Variants in ZNF391 observed in about 807,000 individuals in gnomAD.
ZNF391 encodes the protein zinc finger protein 391.
For synonymous variants in ZNF391, 126 were observed against 142.1 expected, an observed-to-expected ratio of 0.89 and a Z score of 0.80; for missense variants, 375 against 425.5, an observed-to-expected ratio of 0.88 and a Z score of 1.04.
rs1761973248 is a variant in ZNF391 at position 27,401,645 on chromosome 6, C to T, written c.*198C>T. On this transcript the variant is annotated 3_prime_UTR_variant, in exon 3 of 3. Transcript: ENST00000244576. ...CCCTCCCTTCTTCCCTCCTTCCCTC[C>T]TTCCTACTTTTTCTCCCTCTCCCTG... The T allele has an allele frequency of 2.3e-6, 1 of 442,144 alleles. No homozygotes were observed. The highest frequency in any genetic ancestry group is 5.7e-5 in the South Asian group (1 of 17,512). The allele number at this position is 442,144 out of a possible 1,614,324, so 27.4% of individuals were successfully genotyped here. A position where few individuals can be genotyped will look rare whatever the true frequency, so the allele number is the denominator to read the frequency against.
chr6:27,393,242 T>C (rs1761755088), intron 1 of ZNF391, among the ~76,000 whole-genome samples: 1 of 152,362 alleles, frequency 6.6e-6, no homozygotes, highest in African/African-American at 2.4e-5. Flanking sequence ...ACCCTGACAA[T>C]GAGGTGATTG....
chr6:27,390,744 T>C (rs1761689312), intron 1 of ZNF391, among the ~76,000 whole-genome samples: 1 of 152,218 alleles, frequency 6.6e-6, no homozygotes, highest in Non-Finnish European at 1.5e-5. Flanking sequence ...TTCAAATTCA[T>C]TGATGTGAGA....
At position 27,401,240 on chromosome 6, in the gene ZNF391, G is replaced by C; in HGVS notation, c.870G>C (p.Ser290=). 1 of 1,613,918 alleles carries C rather than the reference G, an allele frequency of 6.2e-7. No homozygotes were observed. Among genetic ancestry groups the C allele is most frequent in the East Asian group, 2.2e-5 (1 of 44,872 alleles). ...GTGGGAAAGTGTTCAGTCGAAGCTC[G>C]TCTCTTACAGAACATCAGAGAATCC... The part of the protein sequence containing the change: ...SECGKVFSRS[S]SLTEHQRIHS... The change falls in exon 3 of 3, where the codon TCG becomes TCC. Residue 290 remains serine (S), a synonymous_variant. Coordinates refer to ENST00000244576, the MANE Select transcript of ZNF391 (RefSeq NM_001076781.3).
intron 1 of ZNF391, among the ~76,000 whole-genome samples, chr6:27,395,503 C>T (rs911377296): frequency 7.2e-5 from 11 of 152,190 alleles, no homozygotes; most frequent in East Asian, 3.9e-4. Context: ...CCTGCAGAAC[C>T]GTGAGCGAAT....
chr6:27,390,504 T>G lies in ZNF391; in HGVS notation c.-188+1429T>G, dbSNP rs1399799526. 2.0e-5 allele frequency among the ~76,000 whole-genome samples: 3 copies of G among 152,182 alleles called. No homozygotes were observed. In the East Asian group the frequency reaches 5.8e-4, roughly 29 times the overall value. On this transcript the variant is annotated intron_variant, in intron 1 of 2. Transcript: ENST00000244576. The stretch of plus-strand genomic sequence containing the variant: ...CATTATGGTGGAGGAATCCCTTGGA[T>G]GGACTCTGGATAAAGGTATAGCCCT...
chr6:27,400,381 T>G lies in ZNF391; in HGVS notation c.11T>G (p.Leu4Arg), dbSNP rs1403266494. Reference protein sequence around the residue: MESLRGNTAQGPTN... With the variant: MESRRGNTAQGPTN... ...TTTTCTGGGTCAGCAATGGAAAGCCTCAGAGGGAATACTGCTCAGGGTCCT... is the reference window on the plus strand; with the variant it reads ...TTTTCTGGGTCAGCAATGGAAAGCCGCAGAGGGAATACTGCTCAGGGTCCT... Residue 4 changes from leucine (L) to arginine (R), a missense_variant, in exon 3 of 3, where the codon CTC (leucine) becomes CGC (arginine). Leu to Arg is a moderately radical substitution (Grantham distance 102). Transcript: ENST00000244576. The G allele has an allele frequency of 1.2e-6, 2 of 1,600,910 alleles. No individual in the cohort carries two copies. The highest frequency in any genetic ancestry group is 2.7e-5 in the African/African-American group (2 of 73,954).
chr6:27,387,938 C>T (rs183373836), upstream of ZNF391, among the ~76,000 whole-genome samples: 14 of 152,258 alleles, frequency 9.2e-5, no homozygotes, highest in Middle Eastern at 6.8e-3. Context: ...TAGACTTTAT[C>T]TAATTCTTTC....
intron 1 of ZNF391, among the ~76,000 whole-genome samples, chr6:27,381,427 C>T (rs1761505533): frequency 6.6e-6 from 1 of 152,250 alleles, no homozygotes; most frequent in Non-Finnish European, 1.5e-5. Flanking sequence ...CCAGTTCCCG[C>T]TCGCGCTTCT....
chr6:27,398,495 CA>C (rs1292432033), intron 1 of ZNF391, among the ~76,000 whole-genome samples: 1 of 152,132 alleles, frequency 6.6e-6, no homozygotes, highest in Non-Finnish European at 1.5e-5. Context: ...AAGTGAAAAA[CA>C]ACATTGTCAG....
At chr6:27,375,700 G>A (rs1326879765) in intron 1 of ZNF391, among the ~76,000 whole-genome samples, 1 of 152,156 alleles carries the variant, frequency 6.6e-6, no homozygotes, top group Non-Finnish European at 1.5e-5. Flanking sequence ...ACAGGCTGCT[G>A]CAAAGTTAAC....
At chr6:27,397,582 A>G (rs1002355456) in intron 1 of ZNF391, among the ~76,000 whole-genome samples, 1 of 152,236 alleles carries the variant, frequency 6.6e-6, no homozygotes, top group Non-Finnish European at 1.5e-5. Context: ...CCAAGGTAGC[A>G]GTAAGGCCAA....
upstream of ZNF391, among the ~76,000 whole-genome samples, chr6:27,386,113 A>C (rs1761578989): frequency 6.6e-6 from 1 of 152,318 alleles, no homozygotes; most frequent in Non-Finnish European, 1.5e-5. Context: ...CAAAATTTAT[A>C]GAATGCTGTG....
Position 27,401,011 on chromosome 6 carries a change from C to T in ZNF391, c.641C>T (p.Thr214Ile). Residue 214 changes from threonine to isoleucine, a missense_variant, in exon 3 of 3, where the codon ACT (threonine) becomes ATT (isoleucine). Coordinates refer to ENST00000244576, the MANE Select transcript of ZNF391 (RefSeq NM_001076781.3). ...RSTNLSQHQR[T>I]HTQERPYKCN... Reference sequence around the variant, plus strand: ...ACTAACCTTAGTCAGCATCAGCGAACTCATACTCAAGAAAGGCCTTACAAA... The same window carrying T: ...ACTAACCTTAGTCAGCATCAGCGAATTCATACTCAAGAAAGGCCTTACAAA... The T allele has an allele frequency of 6.2e-7, 1 of 1,614,126 alleles. No individual in the cohort carries two copies. Among genetic ancestry groups the T allele is most frequent in the Non-Finnish European group, 8.5e-7 (1 of 1,180,020 alleles).
At chr6:27,377,555 C>T (rs1271897500) in intron 1 of ZNF391, among the ~76,000 whole-genome samples, 1 of 152,204 alleles carries the variant, frequency 6.6e-6, no homozygotes, top group East Asian at 1.9e-4. Flanking sequence ...TTACCTGTAA[C>T]CTGGAAGCTC....
intron 1 of ZNF391, among the ~76,000 whole-genome samples, chr6:27,394,703 ACTCT>A (rs1761786601): frequency 6.6e-6 from 1 of 152,178 alleles, no homozygotes; most frequent in Admixed American, 6.5e-5. Flanking sequence ...AGCAGCTTAG[ACTCT>A]GTGCTTGGAA....
upstream of ZNF391, among the ~76,000 whole-genome samples, chr6:27,388,168 C>T (rs1561809690): frequency 6.6e-6 from 1 of 152,138 alleles, no homozygotes; most frequent in Admixed American, 6.5e-5. Flanking sequence ...TCCCTCGTTC[C>T]ATAAGTTTCC....
At position 27,401,351 on chromosome 6, in the gene ZNF391, T is replaced by A. The variant is rs758438369; in HGVS notation, c.981T>A (p.His327Gln). ...SSSLIIHQRT[H>Q]TGEKPYKCND... ...CCCTTATTATTCATCAGAGAACTCA[T>A]ACCGGGGAGAAGCCGTACAAATGTA... Residue 327 changes from histidine (H) to glutamine (Q), a missense_variant, in exon 3 of 3, where the codon CAT becomes CAA. Physicochemically the swap from His to Gln is conservative, Grantham distance 24 (BLOSUM62 0). Coordinates refer to ENST00000244576, the MANE Select transcript of ZNF391 (RefSeq NM_001076781.3). 3.1e-6 allele frequency: 5 copies of A among 1,614,068 alleles called. No individual in the cohort carries two copies. The highest frequency in any genetic ancestry group is 4.2e-6 in the Non-Finnish European group (5 of 1,180,010).
At chr6:27,377,405 G>A (rs539742554) in intron 1 of ZNF391, among the ~76,000 whole-genome samples, 6 of 152,296 alleles carry the variant, frequency 3.9e-5, no homozygotes, top group African/African-American at 1.4e-4. Flanking sequence ...GAAAACTCAA[G>A]CTGGAAACTG....
At chr6:27,385,269 C>T (rs1254302344), upstream of ZNF391, among the ~76,000 whole-genome samples, 1 of 151,830 alleles carries the variant, frequency 6.6e-6, no homozygotes, top group Non-Finnish European at 1.5e-5. Flanking sequence ...ACAAAGGCAA[C>T]AAATAGAAAA....
Sources: allele counts gnomAD v4.1 joint callset (sites outside exome capture counted in the v4.1 genomes callset), GRCh38; gene constraint gnomAD v4.1.1; transcripts MANE v1.5; gene names NCBI Gene and HGNC (gene_info 2026-07-23, HGNC 2026-07-21).